The following PIP4K2A variants were observed in gnomAD, a reference collection of about 807,000 sequenced individuals.
PIP4K2A encodes phosphatidylinositol-5-phosphate 4-kinase type 2 alpha.
PIP4K2A carries 14 observed loss-of-function variants against 42.9 expected under a neutral mutation model. The ratio of observed to expected loss-of-function variants is 0.33; its 90% CI spans 0.22 to 0.51. The LOEUF (loss-of-function observed/expected upper bound fraction) is 0.51, where lower values mean the gene tolerates loss of function less well. Among genes scored for constraint, PIP4K2A ranks in the 20% least tolerant of loss-of-function variants. PIP4K2A has a pLI of 0.97. For synonymous variants in PIP4K2A, 192 were observed against 192.2 expected (o/e 1.00, Z 0.01); for missense variants, 434 against 519.8 (o/e 0.83, Z 1.61).
chr10:22,555,895 C>A (rs2130769897), intron 6 of PIP4K2A, among the ~76,000 whole-genome samples: 1 of 35,088 alleles, frequency 2.8e-5, no homozygotes, highest in South Asian at 2.3e-3. Context: ...AGCTGATGAG[C>A]TTAAAAAAAA....
chr10:22,641,624 A>C (rs935043125), intron 1 of PIP4K2A, among the ~76,000 whole-genome samples: 1 of 151,410 alleles, frequency 6.6e-6, no homozygotes, highest in Admixed American at 6.6e-5. Context: ...TTTTTAAAAA[A>C]AAAATTTTGT....
chr10:22,656,796 T>C (rs1485244407), intron 1 of PIP4K2A, among the ~76,000 whole-genome samples: 2 of 127,584 alleles, frequency 1.6e-5, no homozygotes, highest in Non-Finnish European at 1.6e-5. Context: ...AGACTCCATC[T>C]CAAAAAAAAA....
chr10:22,648,172 T>C (rs1210955111), intron 1 of PIP4K2A, among the ~76,000 whole-genome samples: 1 of 152,188 alleles, frequency 6.6e-6, no homozygotes, highest in Non-Finnish European at 1.5e-5. Context: ...TACAGTTTTC[T>C]CTCTTCTTTC....
Position 22,674,605 on chromosome 10 carries a change from A to G in PIP4K2A, c.144+39578T>C, listed in dbSNP as rs193068559. Among the ~76,000 whole-genome samples, 11 of 152,178 alleles carry G rather than the reference A, an allele frequency of 7.2e-5. No individual in the cohort carries two copies. In the East Asian group the frequency reaches 1.2e-3, roughly 16 times the overall value. ...TAGGTAGAAATGTTATATTCTTTAT[A>G]GCACTGAAAATATATTTGAACCACT... On this transcript the variant is annotated intron_variant, in intron 1 of 9. Coordinates refer to ENST00000376573, the MANE Select transcript of PIP4K2A (RefSeq NM_005028.5).
At position 22,664,172 on chromosome 10, in the gene PIP4K2A, T is replaced by TAC. The variant is rs1388197219; in HGVS notation, c.144+50010_144+50011insGT. Among the ~76,000 whole-genome samples, 252 of 73,940 alleles carry TAC rather than the reference T, an allele frequency of 3.4e-3. 21 individuals carry two copies. The highest frequency in any genetic ancestry group is 0.021 in the African/African-American group (240 of 11,252). The allele number at this position is 73,940 out of a possible 152,430, so 48.5% of individuals were successfully genotyped here. A position where few individuals can be genotyped will look rare whatever the true frequency, so the allele number is the denominator to read the frequency against. On this transcript the variant is annotated intron_variant, in intron 1 of 9. Transcript: ENST00000376573. ...ATATACACATATATATATATACATA[T>TAC]ATATATATACATATATATACATATA...
At chr10:22,637,049 A>C (rs1838680830) in intron 1 of PIP4K2A, among the ~76,000 whole-genome samples, 1 of 152,252 alleles carries the variant, frequency 6.6e-6, no homozygotes, top group African/African-American at 2.4e-5. Flanking sequence ...ATTATACATT[A>C]ATAGCAATAA....
At chr10:22,621,248 A>G (rs1838324844) in intron 1 of PIP4K2A, among the ~76,000 whole-genome samples, 2 of 152,212 alleles carry the variant, frequency 1.3e-5, no homozygotes, top group Admixed American at 6.5e-5. Flanking sequence ...CCTAAGCTAG[A>G]GGAAGGTAAA....
intron 9 of PIP4K2A, chr10:22,539,609 A>G (rs1045854138): frequency 1.0e-5 from 2 of 194,640 alleles, no homozygotes; most frequent in Non-Finnish European, 2.1e-5. Flanking sequence ...AACAAAAAAG[A>G]ATTTGTGTAA....
chr10:22,656,900 C>G (rs544108119), intron 1 of PIP4K2A, among the ~76,000 whole-genome samples: 1 of 151,438 alleles, frequency 6.6e-6, no homozygotes, highest in Non-Finnish European at 1.5e-5. Context: ...ACTTGAAGTT[C>G]TCTTTCTGAT....
At chr10:22,567,582 CTG>C (rs1246364989) in intron 6 of PIP4K2A, 3 of 686,834 alleles carry the variant, frequency 4.4e-6, no homozygotes, top group East Asian at 5.7e-5. Flanking sequence ...GCACAGGTGG[CTG>C]TGTTTTTCAA....
At chr10:22,605,199 T>C (rs1837880840) in intron 3 of PIP4K2A, among the ~76,000 whole-genome samples, 1 of 152,178 alleles carries the variant, frequency 6.6e-6, no homozygotes, top group South Asian at 2.1e-4. Context: ...CTTTCTTTTT[T>C]TTCTTTTTTT....
At position 22,627,742 on chromosome 10, in the gene PIP4K2A, T is replaced by G. The variant is rs185263062; in HGVS notation, c.145-18025A>C. ...GCAAGGGCTTTGCCTGTGTGCAAGG[T>G]CTTTTACTGTCAAATTTAAGAATCC... On this transcript the variant is annotated intron_variant, in intron 1 of 9. Coordinates refer to ENST00000376573, the MANE Select transcript of PIP4K2A (RefSeq NM_005028.5). Among the ~76,000 whole-genome samples the G allele has an allele frequency of 4.5e-4, 69 of 152,062 alleles. 1 individual carries two copies. The East Asian group carries it at 0.013, about 28-fold the overall frequency.
At chr10:22,540,780 C>T in intron 8 of PIP4K2A, among the ~76,000 whole-genome samples, 1 of 152,210 alleles carries the variant, frequency 6.6e-6, no homozygotes, top group East Asian at 1.9e-4. Flanking sequence ...GTCTCAAACT[C>T]ATGACCTCAG....
intron 1 of PIP4K2A, among the ~76,000 whole-genome samples, chr10:22,670,118 C>T (rs546402849): frequency 1.2e-4 from 18 of 152,320 alleles, no homozygotes; most frequent in African/African-American, 3.8e-4. Flanking sequence ...GTGGCTCAAG[C>T]CTGTAATCCC....
chr10:22,703,490 T>G (rs1396879992), intron 1 of PIP4K2A, among the ~76,000 whole-genome samples: 1 of 152,174 alleles, frequency 6.6e-6, no homozygotes, highest in Non-Finnish European at 1.5e-5. Context: ...GTGGCTGCTC[T>G]GAGCTTGCCT....
chr10:22,714,157 A>C, intron 1 of PIP4K2A, 26 bp downstream of exon 1: 1 of 1,587,774 alleles, frequency 6.3e-7, no homozygotes, highest in Non-Finnish European at 8.6e-7. Context: ...GAGGAAGGGG[A>C]CCGCGCGCCG....
At chr10:22,610,035 C>A (rs1323058706) in intron 1 of PIP4K2A, among the ~76,000 whole-genome samples, 1 of 152,172 alleles carries the variant, frequency 6.6e-6, no homozygotes, top group African/African-American at 2.4e-5. Flanking sequence ...TCCCACAGAC[C>A]CTTTGGTCAC....
At chr10:22,699,531 G>A (rs958425624) in intron 1 of PIP4K2A, among the ~76,000 whole-genome samples, 1 of 151,692 alleles carries the variant, frequency 6.6e-6, no homozygotes, top group African/African-American at 2.4e-5. Context: ...GGTCAGGCCA[G>A]AAGAGGATTA....
chr10:22,694,145 G>A (rs112633520), intron 1 of PIP4K2A: 1 of 152,222 alleles, frequency 6.6e-6, no homozygotes, highest in Non-Finnish European at 1.5e-5. Flanking sequence ...GATACCAAGG[G>A]GTTACTGTAC....
Sources: gnomAD v4.1 joint callset for allele counts (sites outside exome capture counted in the v4.1 genomes callset) on GRCh38, gnomAD v4.1.1 for gene constraint, MANE v1.5 for transcripts, NCBI Gene and HGNC (gene_info 2026-07-23, HGNC 2026-07-21) for gene names.